Variants in GRHL2 observed in about 807,000 individuals in gnomAD.
GRHL2 encodes grainyhead like transcription factor 2, also known as grainyhead-like protein 2 homolog.
A neutral mutation model predicts 83.8 loss-of-function variants in GRHL2; 21 were observed. The ratio of observed to expected loss-of-function variants is 0.25; its 90% CI spans 0.18 to 0.36. GRHL2 has a LOEUF of 0.36. GRHL2 is among the 10% of genes least tolerant of loss of function. GRHL2 has a pLI of 1.00. For missense variants in GRHL2, 623 were observed against 781.8 expected (o/e 0.80, Z 2.42); for synonymous variants, 280 against 278.9 (o/e 1.00, Z -0.04).
chr8:101,580,082 G>T (rs546275265), intron 7 of GRHL2, among the ~76,000 whole-genome samples: 5 of 152,172 alleles, frequency 3.3e-5, no homozygotes, highest in Non-Finnish European at 7.3e-5. Flanking sequence ...TGATCTGCAG[G>T]TTCAACCAAG....
intron 12 of GRHL2, among the ~76,000 whole-genome samples, chr8:101,637,775 T>C (rs1813319283): frequency 6.6e-6 from 1 of 152,198 alleles, no homozygotes; most frequent in Non-Finnish European, 1.5e-5. Context: ...CTTTTGTCTG[T>C]TGAGCTGATG....
At chr8:101,495,312 C>T (rs1166651210) in intron 1 of GRHL2, among the ~76,000 whole-genome samples, 2 of 152,214 alleles carry the variant, frequency 1.3e-5, no homozygotes, top group Non-Finnish European at 2.9e-5. Flanking sequence ...TGGGATTGCA[C>T]AGGAAGATAT....
At chr8:101,610,077 G>A (rs780444481) in intron 8 of GRHL2, among the ~76,000 whole-genome samples, 10 of 150,664 alleles carry the variant, frequency 6.6e-5, no homozygotes, top group Admixed American at 2.6e-4. Context: ...GTGCTGCTTC[G>A]CAAGATCTGC....
At chr8:101,577,094 T>G (rs1420066545) in intron 6 of GRHL2, among the ~76,000 whole-genome samples, 2 of 151,562 alleles carry the variant, frequency 1.3e-5, no homozygotes, top group African/African-American at 4.9e-5. Flanking sequence ...TTGGGGGGGG[T>G]TTCTGCTGAC....
chr8:101,677,205 A>T, the GRHL2 span, among the ~76,000 whole-genome samples: 1 of 151,460 alleles, frequency 6.6e-6, no homozygotes, highest in East Asian at 1.9e-4. Context: ...TAAAACTTAA[A>T]TAATAACAAT....
chr8:101,570,207 T>G, intron 4 of GRHL2, 132 bp from the exon 5 acceptor site: 1 of 791,946 alleles, frequency 1.3e-6, no homozygotes, highest in Non-Finnish European at 2.1e-6. Flanking sequence ...TTGCTGTAGT[T>G]GAAAACATAA....
Position 101,578,999 on chromosome 8 carries a change from C to T in GRHL2, c.1003+1480C>T, listed in dbSNP as rs368908237. 7.9e-5 allele frequency among the ~76,000 whole-genome samples: 12 copies of T among 152,220 alleles called. No homozygotes were observed. In the East Asian group the frequency reaches 2.3e-3, roughly 29 times the overall value. ...ATCGAATAAACAAGGAAACTGAGGC[C>T]TAGGAAGTCTCACTGGCCCATATCA... is the stretch of plus-strand genomic sequence containing the variant. On this transcript the variant is annotated intron_variant, in intron 7 of 15. Coordinates refer to ENST00000646743, the MANE Select transcript of GRHL2 (RefSeq NM_024915.4).
intron 14 of GRHL2, among the ~76,000 whole-genome samples, chr8:101,659,902 C>T (rs1044751035): frequency 6.6e-6 from 1 of 152,078 alleles, no homozygotes; most frequent in Non-Finnish European, 1.5e-5. Context: ...CTCAAGGAGT[C>T]GCTAAAGGAA....
intron 8 of GRHL2, among the ~76,000 whole-genome samples, chr8:101,599,357 C>T (rs536778514): frequency 1.3e-5 from 2 of 152,336 alleles, no homozygotes; most frequent in South Asian, 4.1e-4. Context: ...GCGTGTCCCA[C>T]CCAAATCCTT....
chr8:101,502,599 T>A (rs1810252025), intron 1 of GRHL2, among the ~76,000 whole-genome samples: 1 of 152,154 alleles, frequency 6.6e-6, no homozygotes, highest in African/African-American at 2.4e-5. Context: ...GAGAACTTCT[T>A]CCCAGAGACA....
At chr8:101,610,552 T>G (rs1586142147) in intron 8 of GRHL2, among the ~76,000 whole-genome samples, 1 of 150,922 alleles carries the variant, frequency 6.6e-6, no homozygotes, top group African/African-American at 2.5e-5. Flanking sequence ...AGGAGAGAGA[T>G]AATGTTGACG....
intron 1 of GRHL2, among the ~76,000 whole-genome samples, chr8:101,498,686 TAAGG>T (rs1194927177): frequency 1.3e-5 from 2 of 152,070 alleles, no homozygotes; most frequent in Non-Finnish European, 2.9e-5. Context: ...CCACCTGACT[TAAGG>T]GAGATTAGGA....
chr8:101,501,479 G>A (rs1319673314), intron 1 of GRHL2, among the ~76,000 whole-genome samples: 1 of 152,166 alleles, frequency 6.6e-6, no homozygotes, highest in Non-Finnish European at 1.5e-5. Context: ...GACAAGGAAA[G>A]GCTGAAGTGA....
chr8:101,636,506 A>G (rs1479543962), intron 11 of GRHL2, among the ~76,000 whole-genome samples: 1 of 152,134 alleles, frequency 6.6e-6, no homozygotes, highest in African/African-American at 2.4e-5. Flanking sequence ...GCAGGAAAGG[A>G]CCCACCCTGC....
intron 9 of GRHL2, among the ~76,000 whole-genome samples, chr8:101,628,097 C>A (rs1019610631): frequency 6.6e-6 from 1 of 152,162 alleles, no homozygotes; most frequent in Non-Finnish European, 1.5e-5. Flanking sequence ...GGTGGCTATA[C>A]TAAACAACAG....
intron 7 of GRHL2, among the ~76,000 whole-genome samples, chr8:101,594,729 G>A (rs1311938030): frequency 6.6e-5 from 10 of 152,168 alleles, no homozygotes; most frequent in Admixed American, 5.9e-4. Flanking sequence ...TAGTCTCTTA[G>A]TTATCTTTCT....
At chr8:101,518,620 T>C (rs1391827410) in intron 1 of GRHL2, among the ~76,000 whole-genome samples, 1 of 152,178 alleles carries the variant, frequency 6.6e-6, no homozygotes, top group Non-Finnish European at 1.5e-5. Context: ...TCATCACCCA[T>C]GCCACATGTT....
rs1814059737 is a variant in GRHL2 at position 101,666,459 on chromosome 8, TCTCCTCCA to T, written c.1764-122_1764-115del. On this transcript the variant is annotated intron_variant, in intron 15 of 15. Coordinates refer to ENST00000646743, the MANE Select transcript of GRHL2 (RefSeq NM_024915.4). ...GGGTCTTTCCCTGCCTTGTGTCCTC[TCTCCTCCA>T]CTCCTCCCAGCCTCCACCACAAAAG... 4 of 698,148 alleles carry T rather than the reference TCTCCTCCA, an allele frequency of 5.7e-6. No individual in the cohort carries two copies. In the East Asian group the frequency reaches 8.1e-5, roughly 14 times the overall value. 43.2% of individuals were successfully genotyped at this position (698,148 alleles called of 1,614,324 possible).
At chr8:101,655,968 C>G (rs985316756) in intron 14 of GRHL2, among the ~76,000 whole-genome samples, 1 of 152,220 alleles carries the variant, frequency 6.6e-6, no homozygotes, top group African/African-American at 2.4e-5. Context: ...TTTGCACTTG[C>G]TGTTCCCTCT....
Sources: allele counts gnomAD v4.1 joint callset (sites outside exome capture counted in the v4.1 genomes callset), GRCh38; gene constraint gnomAD v4.1.1; transcripts MANE v1.5; gene names NCBI Gene and HGNC (gene_info 2026-07-23, HGNC 2026-07-21).